Variants in TET3 observed in about 807,000 individuals in gnomAD.
The protein encoded by TET3 is methylcytosine dioxygenase TET3.
A neutral mutation model predicts 141.4 loss-of-function variants in TET3; 19 were observed. That is an observed-to-expected ratio of 0.13 (90% CI 0.09 to 0.20). TET3 has a LOEUF of 0.20. TET3 is among the 10% of genes least tolerant of loss of function. The pLI is 1.00. For missense variants in TET3, 1,874 were observed against 2,356.9 expected, an observed-to-expected ratio of 0.80 and a Z score of 4.24; for synonymous variants, 1,043 against 980.9, an observed-to-expected ratio of 1.06 and a Z score of -1.18.
intron 5 of TET3, among the ~76,000 whole-genome samples, chr2:74,075,209 C>T (rs1377599647): frequency 6.6e-6 from 1 of 151,028 alleles, no homozygotes; most frequent in African/African-American, 2.4e-5. Context: ...ATGATGTAGA[C>T]ATAAGCATAT....
rs1157514896 is a variant in TET3 at position 74,093,200 on chromosome 2, G to A, written c.3129+209G>A. On this transcript the variant is annotated intron_variant, in intron 9 of 11. Coordinates refer to ENST00000409262, the MANE Select transcript of TET3 (RefSeq NM_001287491.2). This position sits in a 1 kb window ranked among gnomAD's most constrained non-coding sequence, Gnocchi z 4.2. ...CCCACACCGTCCCTCTTCTATCCTGGTCTTCTCCCTTCCCCTGGTAACCCA... is the reference window on the plus strand; with the variant it reads ...CCCACACCGTCCCTCTTCTATCCTGATCTTCTCCCTTCCCCTGGTAACCCA... Among the ~76,000 whole-genome samples the A allele has an allele frequency of 1.3e-5, 2 of 152,128 alleles. No individual in the cohort carries two copies. The highest frequency in any genetic ancestry group is 4.8e-5 in the African/African-American group (2 of 41,408).
At chr2:74,116,804 T>C in the TET3 span, among the ~76,000 whole-genome samples, 1 of 150,968 alleles carries the variant, frequency 6.6e-6, no homozygotes, top group South Asian at 2.1e-4. Context: ...TTGCCAGGTG[T>C]GGTGGCTCGT....
chr2:74,107,627 C>CA lies in TET3; in HGVS notation c.*5452dup, dbSNP rs1272521132. ...GAAACAAGGGCAGGTCGTATAATGGCATATTAATACATTAGACTTAATCTA... is the reference window on the plus strand; with the variant it reads ...GAAACAAGGGCAGGTCGTATAATGGCAATATTAATACATTAGACTTAATCTA... On this transcript the variant is annotated 3_prime_UTR_variant, in exon 12 of 12. Coordinates refer to ENST00000409262, the MANE Select transcript of TET3 (RefSeq NM_001287491.2). The CA allele has an allele frequency of 6.6e-6, 1 of 152,134 alleles. No individual in the cohort carries two copies. The highest frequency in any genetic ancestry group is 1.5e-5 in the Non-Finnish European group (1 of 68,024). 9.4% of individuals were successfully genotyped at this position (152,134 alleles called of 1,614,324 possible). A position where few individuals can be genotyped will look rare whatever the true frequency, so the allele number is the denominator to read the frequency against.
At chr2:73,985,362 G>A (rs894027153) in intron 1 of TET3, among the ~76,000 whole-genome samples, 47 of 144,324 alleles carry the variant, frequency 3.3e-4, no homozygotes, top group African/African-American at 1.2e-3. Flanking sequence ...GGGCTGCGAA[G>A]CCGCCGGAGC....
chr2:74,008,167 C>G (rs1685238259), intron 3 of TET3, among the ~76,000 whole-genome samples: 1 of 152,212 alleles, frequency 6.6e-6, no homozygotes, highest in Non-Finnish European at 1.5e-5. Flanking sequence ...GACTTTTCCA[C>G]TCTTCTATAC....
chr2:73,995,926 C>T (rs961599951), intron 2 of TET3, among the ~76,000 whole-genome samples: 9 of 152,130 alleles, frequency 5.9e-5, no homozygotes, highest in South Asian at 2.1e-4. Flanking sequence ...CTTGAAGGCA[C>T]GGCCATGCTT....
At chr2:74,117,280 T>C in the TET3 span, among the ~76,000 whole-genome samples, 1 of 152,168 alleles carries the variant, frequency 6.6e-6, no homozygotes, top group East Asian at 1.9e-4. Flanking sequence ...TTTCACCATT[T>C]TAGCCAGGCT....
At chr2:74,058,839 A>G (rs1688348229) in intron 4 of TET3, among the ~76,000 whole-genome samples, 1 of 152,194 alleles carries the variant, frequency 6.6e-6, no homozygotes, top group Non-Finnish European at 1.5e-5. Context: ...CATGTATAAA[A>G]GGGGTTTTTA....
intron 4 of TET3, among the ~76,000 whole-genome samples, chr2:74,068,395 T>A (rs879529007): frequency 6.6e-6 from 1 of 152,184 alleles, no homozygotes; most frequent in Non-Finnish European, 1.5e-5. Context: ...ACTTAAAATA[T>A]CTTGGAGGTC....
intron 10 of TET3, among the ~76,000 whole-genome samples, chr2:74,098,562 A>G (rs1044337593): frequency 6.0e-5 from 9 of 151,190 alleles, no homozygotes; most frequent in African/African-American, 2.2e-4. Flanking sequence ...ATTTTCTATA[A>G]TCAGCACATA....
At chr2:74,100,295 T>G in intron 11 of TET3, 98 bp from the exon 12 acceptor site, 2 of 1,295,216 alleles carry the variant, frequency 1.5e-6, no homozygotes, top group Non-Finnish European at 2.1e-6. Flanking sequence ...GAAACATCCC[T>G]GGGAAAGAGG....
the TET3 span, chr2:74,122,080 CAA>C: frequency 6.6e-6 from 1 of 152,042 alleles, no homozygotes; most frequent in African/African-American, 2.4e-5. Flanking sequence ...GAAAAAACTA[CAA>C]GAGAAAGTCA....
chr2:74,058,066 T>C (rs1462073662), intron 4 of TET3, among the ~76,000 whole-genome samples: 1 of 152,158 alleles, frequency 6.6e-6, no homozygotes, highest in Non-Finnish European at 1.5e-5. Context: ...TGCTAAGTTA[T>C]AAAGAAGTTG....
At chr2:73,999,252 G>A (rs149116195) in intron 2 of TET3, among the ~76,000 whole-genome samples, 1 of 152,268 alleles carries the variant, frequency 6.6e-6, no homozygotes, top group African/African-American at 2.4e-5. Flanking sequence ...GTGAGGGGGT[G>A]GCAAGAACCC....
chr2:74,056,883 C>T (rs771908761), intron 4 of TET3, among the ~76,000 whole-genome samples: 4 of 152,204 alleles, frequency 2.6e-5, no homozygotes, highest in Non-Finnish European at 4.4e-5. Flanking sequence ...ACACTGAGTA[C>T]ACAACTCCCA....
At chr2:74,061,965 C>T (rs1573824184) in intron 4 of TET3, among the ~76,000 whole-genome samples, 2 of 151,704 alleles carry the variant, frequency 1.3e-5, no homozygotes, top group Non-Finnish European at 2.9e-5. Context: ...GGGCTCCTCA[C>T]GTCCCAGACA....
intron 3 of TET3, among the ~76,000 whole-genome samples, chr2:74,045,416 G>A (rs1687564063): frequency 6.6e-6 from 1 of 152,146 alleles, no homozygotes; most frequent in Non-Finnish European, 1.5e-5. Flanking sequence ...CTACAGTAAG[G>A]AAGAGCTTTC....
At chr2:74,005,760 A>G (rs1040111753) in intron 3 of TET3, among the ~76,000 whole-genome samples, 1 of 152,204 alleles carries the variant, frequency 6.6e-6, no homozygotes, top group African/African-American at 2.4e-5. Flanking sequence ...TGATGTACGT[A>G]TGAGTCCACA....
intron 2 of TET3, among the ~76,000 whole-genome samples, chr2:73,987,315 C>T (rs766410341): frequency 8.3e-4 from 126 of 152,142 alleles, no homozygotes; most frequent in Non-Finnish European, 1.3e-3. Flanking sequence ...AGGTAGTAGG[C>T]ACTCAGATAC....
Sources: allele counts gnomAD v4.1 joint callset (sites outside exome capture counted in the v4.1 genomes callset), GRCh38; gene constraint gnomAD v4.1.1; non-coding constraint Gnocchi (gnomAD v3.1); transcripts MANE v1.5; gene names NCBI Gene and HGNC (gene_info 2026-07-23, HGNC 2026-07-21).